Variants in UNC13C observed in about 807,000 individuals in gnomAD.
The protein encoded by UNC13C is unc-13 homolog C.
UNC13C carries 174 observed loss-of-function variants against 245.4 expected under a neutral mutation model. The observed-to-expected ratio is 0.71, with a 90% CI of 0.63 to 0.80. The LOEUF (loss-of-function observed/expected upper bound fraction) is 0.80. Ranked by LOEUF, UNC13C falls within the 30% of genes least tolerant of loss-of-function variation. The probability of loss-of-function intolerance (pLI) is 0.00; values close to 1 mark genes in which losing one functional copy is unlikely to be tolerated. For synonymous variants in UNC13C, 992 were observed against 895.1 expected (o/e 1.11, Z -1.93); for missense variants, 2,829 against 2,602.9 (o/e 1.09, Z -1.89).
At position 54,030,121 on chromosome 15, in the gene UNC13C, C is replaced by G. The variant is rs1896294249; in HGVS notation, c.2983+14235C>G. On this transcript the variant is annotated intron_variant, in intron 2 of 32. Coordinates refer to ENST00000260323, the MANE Select transcript of UNC13C (RefSeq NM_001080534.3). Reference sequence around the variant, plus strand: ...ATTCATCCTTATATAGGCTTTTTCTCCACCTCTACCTCATTCTCCCTGCCC... The same window carrying G: ...ATTCATCCTTATATAGGCTTTTTCTGCACCTCTACCTCATTCTCCCTGCCC... Among the ~76,000 whole-genome samples, 3 of 152,090 alleles carry G rather than the reference C, an allele frequency of 2.0e-5. No homozygotes were observed. The South Asian group carries it at 6.2e-4, about 32-fold the overall frequency.
chr15:54,139,242 G>C (rs2031895316), intron 2 of UNC13C, among the ~76,000 whole-genome samples: 1 of 142,772 alleles, frequency 7.0e-6, no homozygotes, highest in Admixed American at 7.3e-5. Context: ...ACAGGTGTGA[G>C]CAACCGCATC....
chr15:54,368,638 A>G (rs2039420184), intron 17 of UNC13C, among the ~76,000 whole-genome samples: 2 of 152,184 alleles, frequency 1.3e-5, no homozygotes, highest in East Asian at 3.9e-4. Context: ...ACCCCACAGC[A>G]TGGTGATGCT....
chr15:54,041,808 G>C (rs968414583), intron 2 of UNC13C, among the ~76,000 whole-genome samples: 1 of 152,162 alleles, frequency 6.6e-6, no homozygotes, highest in Admixed American at 6.5e-5. Context: ...GTAACTGTTA[G>C]CTAATACCAT....
intron 19 of UNC13C, among the ~76,000 whole-genome samples, chr15:54,451,691 T>C (rs1891184397): frequency 1.3e-5 from 2 of 152,226 alleles, no homozygotes; most frequent in South Asian, 4.1e-4. Flanking sequence ...GTATTAGTTA[T>C]CTGTATTGTG....
intron 17 of UNC13C, among the ~76,000 whole-genome samples, chr15:54,371,375 T>A (rs894968835): frequency 2.0e-5 from 3 of 152,134 alleles, no homozygotes; most frequent in African/African-American, 7.2e-5. Context: ...TATAAGCTCT[T>A]AGGTCCAATT....
At chr15:53,982,409 G>T (rs1414167363) in intron 1 of UNC13C, among the ~76,000 whole-genome samples, 2 of 150,710 alleles carry the variant, frequency 1.3e-5, no homozygotes, top group Non-Finnish European at 3.0e-5. Context: ...AGCAGTGATT[G>T]GACAGAGTGG....
At chr15:53,986,127 G>A (rs1894130530) in intron 1 of UNC13C, among the ~76,000 whole-genome samples, 1 of 152,008 alleles carries the variant, frequency 6.6e-6, no homozygotes, top group African/African-American at 2.4e-5. Flanking sequence ...TTCAAGACAG[G>A]AGGCAGTGTG....
chr15:54,488,922 A>G (rs1893560483), intron 19 of UNC13C, among the ~76,000 whole-genome samples: 1 of 152,174 alleles, frequency 6.6e-6, no homozygotes. Context: ...AAATTCTAAG[A>G]GTCATTCACA....
intron 17 of UNC13C, among the ~76,000 whole-genome samples, chr15:54,339,564 A>C (rs2038677332): frequency 6.6e-6 from 1 of 152,016 alleles, no homozygotes; most frequent in South Asian, 2.1e-4. Context: ...AATAGTCTTC[A>C]GTTCTATCTA....
chr15:54,336,153 T>G (rs1319642006), intron 16 of UNC13C, among the ~76,000 whole-genome samples: 1 of 152,058 alleles, frequency 6.6e-6, no homozygotes, highest in African/African-American at 2.4e-5. Flanking sequence ...CATTTTAATT[T>G]TAATTATTTT....
intron 17 of UNC13C, among the ~76,000 whole-genome samples, chr15:54,349,550 A>G (rs1257756749): frequency 6.6e-6 from 1 of 152,192 alleles, no homozygotes; most frequent in African/African-American, 2.4e-5. Context: ...TAAGTAAAAT[A>G]TTAAATATTA....
chr15:53,905,682 A>G, the UNC13C span, among the ~76,000 whole-genome samples: 1 of 152,120 alleles, frequency 6.6e-6, no homozygotes, highest in Non-Finnish European at 1.5e-5. Context: ...TAGGATGAGT[A>G]AGTTCTGGAG....
intron 26 of UNC13C, among the ~76,000 whole-genome samples, chr15:54,536,675 C>T (rs1895996230): frequency 6.6e-6 from 1 of 152,012 alleles, no homozygotes; most frequent in Non-Finnish European, 1.5e-5. Flanking sequence ...GGTGGTTTAA[C>T]AGATGCAAAT....
chr15:54,261,540 T>C (rs1342719530), intron 8 of UNC13C, among the ~76,000 whole-genome samples: 2 of 152,082 alleles, frequency 1.3e-5, no homozygotes, highest in Non-Finnish European at 2.9e-5. Flanking sequence ...TGTTTTGTTT[T>C]GTTTTGTTTT....
At chr15:54,186,416 A>G (rs112395730) in intron 4 of UNC13C, among the ~76,000 whole-genome samples, 5,412 of 152,224 alleles carry the variant, frequency 0.036, 280 homozygotes, top group East Asian at 0.11. Flanking sequence ...ATTCTGGTAT[A>G]TACTTGACAC....
chr15:54,026,872 A>G (rs1896132510), intron 2 of UNC13C, among the ~76,000 whole-genome samples: 2 of 152,214 alleles, frequency 1.3e-5, no homozygotes, highest in Admixed American at 6.5e-5. Flanking sequence ...GCAGTGACAA[A>G]TCATATTTGG....
upstream of UNC13C, among the ~76,000 whole-genome samples, chr15:53,973,969 C>A (rs901451555): frequency 6.6e-6 from 1 of 152,044 alleles, no homozygotes; most frequent in African/African-American, 2.4e-5. Context: ...TACAGGGGAA[C>A]CAGTTTTGAA....
At chr15:53,980,226 A>G (rs72736951) in intron 1 of UNC13C, among the ~76,000 whole-genome samples, 16,526 of 152,194 alleles carry the variant, frequency 0.11, 1,295 homozygotes, top group African/African-American at 0.21. Context: ...TGGAGCACTT[A>G]GGCCGTAAAC....
chr15:53,854,214 G>A, the UNC13C span, among the ~76,000 whole-genome samples: 2 of 146,090 alleles, frequency 1.4e-5, no homozygotes, highest in East Asian at 2.1e-4. Context: ...TCTGCCTCCC[G>A]GATTCAAGTG....
Sources: gnomAD v4.1 joint callset for allele counts (sites outside exome capture counted in the v4.1 genomes callset) on GRCh38, gnomAD v4.1.1 for gene constraint, MANE v1.5 for transcripts, NCBI Gene and HGNC (gene_info 2026-07-23, HGNC 2026-07-21) for gene names.